RHBDD1: variants seen among roughly 807,000 people sequenced by gnomAD.
The protein encoded by RHBDD1 is rhomboid domain containing 1, also known as rhomboid-related protein 4.
RHBDD1 carries 38 observed loss-of-function variants against 36.3 expected under a neutral mutation model. The observed-to-expected ratio is 1.05, with a 90% CI of 0.81 to 1.37. The LOEUF is 1.37. RHBDD1 is among the 40% of genes most tolerant of loss of function. The probability of loss-of-function intolerance (pLI) is 0.00; values close to 1 mark genes in which losing one functional copy is unlikely to be tolerated. For missense variants in RHBDD1, 393 were observed against 377.6 expected (o/e 1.04, Z -0.34); for synonymous variants, 151 against 136.5 (o/e 1.11, Z -0.74).
intron 8 of RHBDD1, among the ~76,000 whole-genome samples, chr2:226,987,442 C>T (rs1387286019): frequency 2.0e-5 from 3 of 152,200 alleles, no homozygotes; most frequent in African/African-American, 7.2e-5. Context: ...GCCCAGCTGC[C>T]AAAAGTCATG....
At chr2:226,852,901 T>TTTATTATTATTATTATTA (rs34006366) in intron 3 of RHBDD1, among the ~76,000 whole-genome samples, 1 of 125,204 alleles carries the variant, frequency 8.0e-6, no homozygotes, top group Non-Finnish European at 1.6e-5. Context: ...ACCTGGCTAA[T>TTTATTATTATTATTATTA]TTATTATTAT....
At chr2:226,976,615 T>C (rs1433119943) in intron 8 of RHBDD1, among the ~76,000 whole-genome samples, 1 of 151,968 alleles carries the variant, frequency 6.6e-6, no homozygotes, top group East Asian at 1.9e-4. Flanking sequence ...CTAGAACACT[T>C]AGAGGAAGAG....
chr2:226,898,052 T>A (rs998958385), intron 5 of RHBDD1, among the ~76,000 whole-genome samples: 11 of 152,034 alleles, frequency 7.2e-5, no homozygotes, highest in African/African-American at 2.4e-4. Context: ...AAAAGTGAGA[T>A]CTCATTCACC....
intron 8 of RHBDD1, among the ~76,000 whole-genome samples, chr2:226,947,707 C>T (rs1329105349): frequency 1.3e-5 from 2 of 152,038 alleles, no homozygotes; most frequent in Non-Finnish European, 2.9e-5. Context: ...CTACAATGAA[C>T]TCAAACAAAT....
At chr2:226,862,848 C>T (rs1249761228) in intron 3 of RHBDD1, among the ~76,000 whole-genome samples, 1 of 152,184 alleles carries the variant, frequency 6.6e-6, no homozygotes, top group Non-Finnish European at 1.5e-5. Context: ...GGGGAGCTAG[C>T]ATGTGCAGAG....
intron 3 of RHBDD1, among the ~76,000 whole-genome samples, chr2:226,855,592 A>G (rs575033117): frequency 6.6e-6 from 1 of 152,220 alleles, no homozygotes; most frequent in Non-Finnish European, 1.5e-5. Flanking sequence ...TGGTTGTGTC[A>G]AGCTGGGTGA....
chr2:226,953,045 A>G (rs904630442), intron 8 of RHBDD1, among the ~76,000 whole-genome samples: 6 of 152,164 alleles, frequency 3.9e-5, no homozygotes, highest in Admixed American at 6.5e-5. Context: ...TCCAGTTCTT[A>G]TTGGAATTGA....
intron 4 of RHBDD1, among the ~76,000 whole-genome samples, chr2:226,866,786 A>G (rs1944384905): frequency 6.6e-6 from 1 of 152,328 alleles, no homozygotes; most frequent in East Asian, 1.9e-4. Flanking sequence ...AAGAAAGAAT[A>G]TATGCCCTGT....
chr2:226,858,044 T>G (rs1427669026), intron 3 of RHBDD1, among the ~76,000 whole-genome samples: 1 of 152,170 alleles, frequency 6.6e-6, no homozygotes, highest in African/African-American at 2.4e-5. Context: ...ATCGCCAAGG[T>G]CTGATTTTTC....
intron 5 of RHBDD1, among the ~76,000 whole-genome samples, chr2:226,894,457 G>A (rs59727211): frequency 0.014 from 2,148 of 152,192 alleles, 58 homozygotes; most frequent in African/African-American, 0.049. Context: ...TTTTAGTAGA[G>A]ATGGGGTTTC....
chr2:226,913,063 T>C (rs1395600364), intron 7 of RHBDD1, among the ~76,000 whole-genome samples: 1 of 152,210 alleles, frequency 6.6e-6, no homozygotes, highest in Non-Finnish European at 1.5e-5. Flanking sequence ...AATTTTAAAA[T>C]AGCCTCAGGA....
intron 5 of RHBDD1, among the ~76,000 whole-genome samples, chr2:226,882,227 C>T (rs189109028): frequency 0.011 from 1,617 of 151,896 alleles, 25 homozygotes; most frequent in South Asian, 0.042. Context: ...GTCAGGAGTT[C>T]GAGACCAGCC....
At position 226,994,795 on chromosome 2, in the gene RHBDD1, GT is replaced by G. The variant is rs1242037370; in HGVS notation, c.857-631del. Among the ~76,000 whole-genome samples the G allele has an allele frequency of 2.0e-5, 3 of 152,256 alleles. No individual in the cohort carries two copies. In the East Asian group the frequency reaches 5.8e-4, roughly 29 times the overall value. On this transcript the variant is annotated intron_variant, in intron 8 of 8. Transcript: ENST00000392062. ...AAATTCTTGTATCATTACAAACTGT[GT>G]TTTTGGTAAGTTTGCATCCCTAAGA...
Position 226,864,614 on chromosome 2 carries a change from C to G in RHBDD1, c.-80C>G. 1 of 1,131,314 alleles carries G rather than the reference C, an allele frequency of 8.8e-7. No individual in the cohort carries two copies. Among genetic ancestry groups the G allele is most frequent in the Non-Finnish European group, 1.3e-6 (1 of 773,470 alleles). 70.1% of individuals were successfully genotyped at this position (1,131,314 alleles called of 1,614,324 possible). A position where few individuals can be genotyped will look rare whatever the true frequency, so the allele number is the denominator to read the frequency against. ...CATTTTGTGTTTTAGGTTCAGCCGT[C>G]TGTATATCTCCCCAGATACCTGAAA... On this transcript the variant is annotated 5_prime_UTR_variant, in exon 4 of 9. Transcript: ENST00000392062.
At chr2:226,905,002 C>T (rs1947926871) in intron 5 of RHBDD1, among the ~76,000 whole-genome samples, 1 of 152,092 alleles carries the variant, frequency 6.6e-6, no homozygotes, top group Non-Finnish European at 1.5e-5. Flanking sequence ...CTCTCATGTG[C>T]CTGGCCCTGT....
the RHBDD1 span, among the ~76,000 whole-genome samples, chr2:226,801,340 G>A: frequency 6.6e-6 from 1 of 152,188 alleles, no homozygotes; most frequent in African/African-American, 2.4e-5. Context: ...GGGGTAGAAG[G>A]GTTGAGGGTA....
At chr2:226,915,554 A>T (rs1304922849) in intron 8 of RHBDD1, among the ~76,000 whole-genome samples, 1 of 152,202 alleles carries the variant, frequency 6.6e-6, no homozygotes, top group Non-Finnish European at 1.5e-5. Context: ...TGCGAAGAAG[A>T]TTGAGCACCA....
chr2:226,956,176 C>T (rs140278746), intron 8 of RHBDD1, among the ~76,000 whole-genome samples: 1 of 152,064 alleles, frequency 6.6e-6, no homozygotes, highest in Non-Finnish European at 1.5e-5. Flanking sequence ...CTTGGTGTCC[C>T]CTCTGGGAGT....
chr2:226,877,700 T>C (rs1945361025), intron 5 of RHBDD1, among the ~76,000 whole-genome samples: 1 of 152,206 alleles, frequency 6.6e-6, no homozygotes, highest in Admixed American at 6.5e-5. Context: ...CAAGCATCTT[T>C]CTTTGCTATA....
Sources: allele counts gnomAD v4.1 joint callset (sites outside exome capture counted in the v4.1 genomes callset), GRCh38; gene constraint gnomAD v4.1.1; transcripts MANE v1.5; gene names NCBI Gene and HGNC (gene_info 2026-07-23, HGNC 2026-07-21).